SREBF2: variants seen among roughly 807,000 people sequenced by gnomAD.
SREBF2 encodes sterol regulatory element-binding protein 2.
Under a neutral mutation model 113.1 loss-of-function variants are expected in SREBF2, and 55 were observed. The observed-to-expected ratio is 0.49, with a 90% CI of 0.39 to 0.61. SREBF2 has a LOEUF of 0.61. Among genes scored for constraint, SREBF2 ranks in the 20% least tolerant of loss-of-function variants. SREBF2 has a pLI of 0.00. For missense variants in SREBF2, 1,349 were observed against 1,487.4 expected (o/e 0.91, Z 1.53); for synonymous variants, 593 against 605.7 (o/e 0.98, Z 0.31).
chr22:41,868,993 G>T (rs1035869290), intron 3 of SREBF2, among the ~76,000 whole-genome samples: 1 of 152,234 alleles, frequency 6.6e-6, no homozygotes, highest in Non-Finnish European at 1.5e-5. Context: ...CTCAGGAAAG[G>T]CTGGTGCAGT....
chr22:41,839,647 T>TCTGGACTGTTCTGGACTGA (rs1197639405), intron 1 of SREBF2, among the ~76,000 whole-genome samples: 5 of 152,226 alleles, frequency 3.3e-5, no homozygotes, highest in African/African-American at 1.2e-4. Flanking sequence ...CTTGATGAGT[T>TCTGGACTGTTCTGGACTGA]TGCCTGTTCT....
Position 41,866,947 on chromosome 22 carries a change from AGCAGCAGCAGCAGCAGCAATGGCAGGG to A in SREBF2, c.217_243del (p.Ser73_Ser81del). The A allele has an allele frequency of 1.3e-6, 2 of 1,594,736 alleles. No homozygotes were observed. The highest frequency in any genetic ancestry group is 1.7e-6 in the Non-Finnish European group (2 of 1,166,356). Reference sequence around the variant, plus strand: ...TGGTAGCAGCAGCGGCAGCAGTGGCAGCAGCAGCAGCAGCAGCAATGGCAGGGGCAGCAGCAGCGGAGCTGTGGACCC... The same window carrying A: ...TGGTAGCAGCAGCGGCAGCAGTGGCAGCAGCAGCAGCGGAGCTGTGGACCC... On this transcript the variant is annotated inframe_deletion, in exon 2 of 19. Transcript: ENST00000361204.
At chr22:41,842,042 C>T (rs1429818038) in intron 1 of SREBF2, among the ~76,000 whole-genome samples, 1 of 152,226 alleles carries the variant, frequency 6.6e-6, no homozygotes, top group African/African-American at 2.4e-5. Context: ...GGGTAACACA[C>T]TATCAGCTGT....
In SREBF2 at chr22:41,867,183, ACAGACG is replaced by A; in HGVS notation, c.442_447del (p.Gln148_Thr149del). The A allele has an allele frequency of 6.2e-7, 1 of 1,614,162 alleles. No individual in the cohort carries two copies. On this transcript the variant is annotated inframe_deletion, in exon 2 of 19. Transcript: ENST00000361204. The stretch of plus-strand genomic sequence containing the variant: ...CTCAACCTCAAACTCAGCTGCAACA[ACAGACG>A]GTAATGATCACGCCAACATTCAGCA...
chr22:41,904,863 G>T lies in SREBF2; in HGVS notation c.3094G>T (p.Val1032Leu). The change falls in exon 18 of 19, where the codon GTG (valine) becomes TTG (leucine). Residue 1032 changes from valine to leucine, a missense_variant and splice_region_variant. Coordinates refer to ENST00000361204, the MANE Select transcript of SREBF2 (RefSeq NM_004599.4). ...GGATGTCACCCCGGCACCTCCCCAGGTGTTCCTGCATGAAGCCACCGTGCG... is the reference window on the plus strand; with the variant it reads ...GGATGTCACCCCGGCACCTCCCCAGTTGTTCCTGCATGAAGCCACCGTGCG... ...AHSFRPAYRK[V>L]FLHEATVRLM... 2 of 1,588,440 alleles carry T rather than the reference G, an allele frequency of 1.3e-6. No homozygotes were observed. The highest frequency in any genetic ancestry group is 8.6e-7 in the Non-Finnish European group (1 of 1,169,464).
Position 41,833,262 on chromosome 22 carries a change from A to C in SREBF2, c.-9A>C. 2 of 1,519,808 alleles carry C rather than the reference A, an allele frequency of 1.3e-6. No homozygotes were observed. Among genetic ancestry groups the C allele is most frequent in the African/African-American group, 1.4e-5 (1 of 69,530 alleles). 94.1% of individuals were successfully genotyped at this position (1,519,808 alleles called of 1,614,324 possible). A position where few individuals can be genotyped will look rare whatever the true frequency, so the allele number is the denominator to read the frequency against. ...GACGGCAGGGGGGGCTTCTGCGCTGAGCCGGGCGATGGACGACAGCGGCGA... is the reference window on the plus strand; with the variant it reads ...GACGGCAGGGGGGGCTTCTGCGCTGCGCCGGGCGATGGACGACAGCGGCGA... On this transcript the variant is annotated 5_prime_UTR_variant, in exon 1 of 19. Coordinates refer to ENST00000361204, the MANE Select transcript of SREBF2 (RefSeq NM_004599.4). The surrounding 1 kb of genome is among the most constrained non-coding windows in gnomAD (Gnocchi z 4.1).
At position 41,898,763 on chromosome 22, in the gene SREBF2, A is replaced by G. The variant is rs1471898098; in HGVS notation, c.2720A>G (p.Lys907Arg). ...TTTACCAAAGTGGAACGCATCCCCA[A>G]GGCCCTGGAAGTGACAGAGTGCGTA... is the stretch of plus-strand genomic sequence containing the variant. ...SHFTKVERIP[K>R]ALEVTESPLV... The change falls in exon 15 of 19, where the codon AAG becomes AGG. Residue 907 changes from lysine to arginine, a missense_variant. By Grantham distance (26) the Lys-to-Arg change is conservative. Transcript: ENST00000361204. The G allele has an allele frequency of 3.1e-6, 5 of 1,613,968 alleles. No homozygotes were observed. In the South Asian group the frequency reaches 3.3e-5, roughly 11 times the overall value.
intron 16 of SREBF2, 148 bp from the exon 17 acceptor site, chr22:41,902,822 C>A: frequency 4.6e-6 from 4 of 870,644 alleles, no homozygotes; most frequent in Non-Finnish European, 7.5e-6. Flanking sequence ...TCCCTCACGT[C>A]CTGCGGAGTT....
intron 1 of SREBF2, among the ~76,000 whole-genome samples, chr22:41,857,405 G>A (rs1011564525): frequency 1.3e-5 from 2 of 152,196 alleles, no homozygotes; most frequent in African/African-American, 2.4e-5. Context: ...CATGAGAGGC[G>A]GGGAGAGAGA....
chr22:41,875,234 C>T (rs937648387), intron 5 of SREBF2, 103 bp from the exon 6 acceptor site: 14 of 950,620 alleles, frequency 1.5e-5, no homozygotes, highest in East Asian at 1.0e-4. Flanking sequence ...CTTGGTTTCT[C>T]CTCTCACAGA....
Position 41,852,386 on chromosome 22 carries a change from C to T in SREBF2, c.89-14445C>T, listed in dbSNP as rs1056965751. The stretch of plus-strand genomic sequence containing the variant: ...CACAGTGATTACATTATTGGAGTCA[C>T]AGCCACTTCTCTTTGAATTTAATCG... On this transcript the variant is annotated intron_variant, in intron 1 of 18. Transcript: ENST00000361204. 4.6e-5 allele frequency among the ~76,000 whole-genome samples: 7 copies of T among 152,180 alleles called. No homozygotes were observed. In the East Asian group the frequency reaches 1.3e-3, roughly 29 times the overall value.
chr22:41,875,808 C>T, intron 7 of SREBF2, 84 bp downstream of exon 7: 1 of 1,479,302 alleles, frequency 6.8e-7, no homozygotes, highest in African/African-American at 1.4e-5. Flanking sequence ...GTTATGAGGC[C>T]AGGCCGCATG....
At chr22:41,890,602 G>A (rs2077351085) in intron 11 of SREBF2, among the ~76,000 whole-genome samples, 2 of 152,294 alleles carry the variant, frequency 1.3e-5, no homozygotes, top group Middle Eastern at 3.4e-3. Flanking sequence ...ATGAGTTACA[G>A]GGGGAGGCTC....
chr22:41,877,691 G>A (rs2077209557), intron 8 of SREBF2, among the ~76,000 whole-genome samples: 2 of 152,192 alleles, frequency 1.3e-5, no homozygotes, highest in African/African-American at 4.8e-5. Flanking sequence ...TTTGAAGGAG[G>A]ATATCGTGTT....
chr22:41,858,522 C>T (rs1229514786), intron 1 of SREBF2, among the ~76,000 whole-genome samples: 1 of 151,066 alleles, frequency 6.6e-6, no homozygotes. Context: ...GTGGGAGGAT[C>T]GCATGAGGCA....
At chr22:41,900,068 T>C (rs1480950133) in intron 15 of SREBF2, 1 of 1,394,216 alleles carries the variant, frequency 7.2e-7, no homozygotes, top group Non-Finnish European at 9.3e-7. Context: ...GGTGGCTTCT[T>C]AGCAGCAGAC....
intron 1 of SREBF2, among the ~76,000 whole-genome samples, chr22:41,850,552 A>T (rs2076918588): frequency 1.3e-5 from 2 of 152,142 alleles, no homozygotes; most frequent in African/African-American, 4.8e-5. Flanking sequence ...CTTTTCCCCA[A>T]GTTGTGATGA....
chr22:41,870,993 C>T lies in SREBF2; in HGVS notation c.825C>T (p.Thr275=), dbSNP rs35259415. Residue 275 remains threonine, a synonymous_variant, in exon 4 of 19, where the codon ACC becomes ACT. Transcript: ENST00000361204. ...VMAAVQNPAL[T]ALTTPIQTAA... ...CTGCGGTCCAGAACCCGGCCCTCACCGCCCTCACCACCCCTATCCAGACGG... is the reference window on the plus strand; with the variant it reads ...CTGCGGTCCAGAACCCGGCCCTCACTGCCCTCACCACCCCTATCCAGACGG... The T allele has an allele frequency of 5.0e-5, 81 of 1,613,858 alleles. No individual in the cohort carries two copies. The highest frequency in any genetic ancestry group is 6.3e-5 in the Non-Finnish European group (74 of 1,179,930).
At chr22:41,895,554 G>A (rs2077407585) in intron 13 of SREBF2, among the ~76,000 whole-genome samples, 1 of 149,648 alleles carries the variant, frequency 6.7e-6, no homozygotes, top group Non-Finnish European at 1.5e-5. Context: ...TTCTGCCTTA[G>A]CCTCCCAAGT....
Sources: gnomAD v4.1 joint callset for allele counts (sites outside exome capture counted in the v4.1 genomes callset) on GRCh38, gnomAD v4.1.1 for gene constraint, Gnocchi (gnomAD v3.1) non-coding constraint, MANE v1.5 for transcripts, NCBI Gene and HGNC (gene_info 2026-07-23, HGNC 2026-07-21) for gene names.